MED13: variants seen among roughly 807,000 people sequenced by gnomAD.
MED13 encodes the protein mediator complex subunit 13.
In MED13, 23 loss-of-function variants were observed where a neutral mutation model predicts 225.2. The observed-to-expected ratio is 0.10, with a 90% CI of 0.07 to 0.14. The LOEUF is 0.14. Ranked by LOEUF, MED13 falls within the 10% of genes least tolerant of loss-of-function variation. The pLI is 1.00. For synonymous variants in MED13, 942 were observed against 889.2 expected, an observed-to-expected ratio of 1.06 and a Z score of -1.06; for missense variants, 2,197 against 2,594.5, an observed-to-expected ratio of 0.85 and a Z score of 3.33.
At chr17:61,955,602 G>A (rs374440748) in intron 25 of MED13, 35 bp from the exon 26 acceptor site, 228 of 1,538,616 alleles carry the variant, frequency 1.5e-4, no homozygotes, top group Non-Finnish European at 1.8e-4. Context: ...TTTAATAAAC[G>A]AAGAATAAAT....
chr17:62,061,931 A>G (rs1314786393), intron 2 of MED13, among the ~76,000 whole-genome samples: 1 of 152,226 alleles, frequency 6.6e-6, no homozygotes, highest in Non-Finnish European at 1.5e-5. Flanking sequence ...AACAATTAAC[A>G]CTGGAGAGTA....
At chr17:62,060,034 G>A (rs2081025910) in intron 2 of MED13, among the ~76,000 whole-genome samples, 1 of 152,152 alleles carries the variant, frequency 6.6e-6, no homozygotes, top group African/African-American at 2.4e-5. Flanking sequence ...ACTCACGCCT[G>A]TAATCCTAGC....
intron 3 of MED13, among the ~76,000 whole-genome samples, chr17:62,039,883 G>C (rs2080838976): frequency 6.6e-6 from 1 of 152,046 alleles, no homozygotes; most frequent in South Asian, 2.1e-4. Context: ...ACAGGCGTGA[G>C]CCACTGTGCC....
chr17:61,946,292 A>G lies in MED13; in HGVS notation c.*176T>C, dbSNP rs945218105. 3.3e-5 allele frequency: 22 copies of G among 668,156 alleles called. No individual in the cohort carries two copies. The highest frequency in any genetic ancestry group is 6.2e-5 in the Admixed American group (2 of 32,440). 41.4% of individuals were successfully genotyped at this position (668,156 alleles called of 1,614,324 possible). On this transcript the variant is annotated 3_prime_UTR_variant, in exon 30 of 30. Coordinates refer to ENST00000397786, the MANE Select transcript of MED13 (RefSeq NM_005121.3). ...CATCCTAAAGAGTTCAATAGAGTCA[A>G]TGAAAAATAGCAGGGTTATAGCCCC...
intron 24 of MED13, 77 bp from the exon 25 acceptor site, chr17:61,955,915 C>T: frequency 2.2e-6 from 3 of 1,376,134 alleles, no homozygotes; most frequent in Non-Finnish European, 1.9e-6. Context: ...TCCTGTAGAA[C>T]CAAGTTAAAG....
Position 61,982,240 on chromosome 17 carries a change from G to A in MED13, c.3763C>T (p.Leu1255Phe), listed in dbSNP as rs1160128332. 6.2e-7 allele frequency: 1 copy of A among 1,614,122 alleles called. No individual in the cohort carries two copies. The highest frequency in any genetic ancestry group is 1.1e-5 in the South Asian group (1 of 91,062). The change falls in exon 16 of 30, where the codon CTT becomes TTT. Residue 1255 changes from leucine (L) to phenylalanine (F), a missense_variant. Around this residue, in one of 12 missense-constraint regions of MED13, gnomAD observed 203 missense variants for 209.7 expected, o/e 0.97. Transcript: ENST00000397786. ...NMSGGKVDEA[L>F]VKSSCLHPWS... is the part of the protein sequence containing the mutation. ...GGGTGTAAGCATGAACTTTTCACAA[G>A]TGCTTCATCAACTTTTCCTCCTGAC... is the stretch of plus-strand genomic sequence containing the variant.
At chr17:61,976,596 G>C (rs1043389273) in intron 16 of MED13, among the ~76,000 whole-genome samples, 2 of 152,180 alleles carry the variant, frequency 1.3e-5, no homozygotes, top group African/African-American at 4.8e-5. Context: ...AATTAGAACA[G>C]AGCTTTGTCT....
intron 10 of MED13, among the ~76,000 whole-genome samples, chr17:61,994,858 A>ACAC (rs1260153906): frequency 6.6e-6 from 1 of 152,012 alleles, no homozygotes; most frequent in African/African-American, 2.4e-5. Context: ...TACAAGGCGC[A>ACAC]CACCACCACA....
Position 61,965,431 on chromosome 17 carries a change from T to A in MED13, c.4419A>T (p.Leu1473=), listed in dbSNP as rs769734786. The A allele has an allele frequency of 1.2e-6, 2 of 1,614,060 alleles. No individual in the cohort carries two copies. The highest frequency in any genetic ancestry group is 2.2e-5 in the South Asian group (2 of 91,084). ...YLASLPLDSS[L]LSQPNLVAPT... is the part of the protein sequence containing the mutation. ...GGGCAACTAAATTTGGCTGGGAAAGTAGAGAGCTGTCCAATGGCAGGGAAG... is the reference window on the plus strand; with the variant it reads ...GGGCAACTAAATTTGGCTGGGAAAGAAGAGAGCTGTCCAATGGCAGGGAAG... Residue 1473 remains leucine, a synonymous_variant, in exon 20 of 30, where the codon CTA becomes CTT. Transcript: ENST00000397786.
At chr17:62,015,983 T>C (rs1364453050) in intron 8 of MED13, among the ~76,000 whole-genome samples, 2 of 58,916 alleles carry the variant, frequency 3.4e-5, no homozygotes, top group Non-Finnish European at 6.4e-5. Context: ...TTTTTTTTTT[T>C]AGTAGAGACC....
chr17:62,012,178 T>C (rs2080516284), intron 8 of MED13, among the ~76,000 whole-genome samples: 1 of 151,394 alleles, frequency 6.6e-6, no homozygotes, highest in Admixed American at 6.6e-5. Flanking sequence ...ATCACGCCAC[T>C]GCACTCCAGC....
At position 61,955,854 on chromosome 17, in the gene MED13, G is replaced by GA. The variant is rs2079938851; in HGVS notation, c.5624-17_5624-16insT. ...CAGCTCCAATCTGTGGGTATCAACA[G>GA]TAAAAAAAAAAAAAAAAAAAAAAAA... On this transcript the variant is annotated splice_polypyrimidine_tract_variant and intron_variant, in intron 24 of 29. Transcript: ENST00000397786. 3 of 254,458 alleles carry GA rather than the reference G, an allele frequency of 1.2e-5. No individual in the cohort carries two copies. The highest frequency in any genetic ancestry group is 1.2e-4 in the East Asian group (1 of 8,464). 15.8% of individuals were successfully genotyped at this position (254,458 alleles called of 1,614,324 possible).
intron 11 of MED13, among the ~76,000 whole-genome samples, chr17:61,991,693 A>G (rs2080300513): frequency 1.3e-5 from 2 of 152,110 alleles, no homozygotes. Context: ...TTTTTTTAGT[A>G]GAGACGGGGT....
chr17:61,988,967 C>A (rs138653307), intron 11 of MED13, among the ~76,000 whole-genome samples: 1 of 152,064 alleles, frequency 6.6e-6, no homozygotes, highest in South Asian at 2.1e-4. Context: ...TCCCCTACCC[C>A]CAGTCTCTGG....
Position 61,952,984 on chromosome 17 carries a change from T to A in MED13, c.6098A>T (p.His2033Leu). ...AGTTACCTTGCCCGCATCACCTCCATGGGGGTAATGAGATCCTGGAGAATG... is the reference window on the plus strand; with the variant it reads ...AGTTACCTTGCCCGCATCACCTCCAAGGGGGTAATGAGATCCTGGAGAATG... ...PVHSPGSHYPHGGDAGKGQST... is the reference protein window; with the variant it reads ...PVHSPGSHYPLGGDAGKGQST... Residue 2033 changes from histidine to leucine, a missense_variant, in exon 27 of 30, where the codon CAT becomes CTT. His to Leu is a moderately conservative substitution (Grantham distance 99, BLOSUM62 -3). Transcript: ENST00000397786. 6.2e-7 allele frequency: 1 copy of A among 1,613,298 alleles called. No individual in the cohort carries two copies. The highest frequency in any genetic ancestry group is 8.5e-7 in the Non-Finnish European group (1 of 1,179,756).
At chr17:62,035,737 A>G (rs1412457733) in intron 3 of MED13, 129 bp from the exon 4 acceptor site, 2 of 775,908 alleles carry the variant, frequency 2.6e-6, no homozygotes, top group South Asian at 2.0e-5. Flanking sequence ...TCATCAGAAG[A>G]AAAAAAATCA....
rs73336411 is a variant in MED13, at chr17:62,016,522, C to T, written c.1284-5289G>A. On this transcript the variant is annotated intron_variant, in intron 8 of 29. Coordinates refer to ENST00000397786, the MANE Select transcript of MED13 (RefSeq NM_005121.3). ...TACCTAATTTATAAAGCTGCACTAT[C>T]CAATAATGGTAGCCACAAGTTACAT... is the stretch of plus-strand genomic sequence containing the variant. 5.3e-3 allele frequency among the ~76,000 whole-genome samples: 806 copies of T among 152,298 alleles called. 5 individuals are homozygous for T. Among genetic ancestry groups the T allele is most frequent in the African/African-American group, 0.018 (762 of 41,556 alleles).
intron 2 of MED13, among the ~76,000 whole-genome samples, chr17:62,062,601 CACACACA>C (rs2081048814): frequency 2.0e-4 from 2 of 10,164 alleles, no homozygotes; most frequent in African/African-American, 2.9e-4. Context: ...ACACACACAC[CACACACA>C]CACACACACA....
At chr17:61,987,595 G>A (rs1409030516) in intron 11 of MED13, among the ~76,000 whole-genome samples, 1 of 151,976 alleles carries the variant, frequency 6.6e-6, no homozygotes, top group Non-Finnish European at 1.5e-5. Context: ...AGAAAAAAAA[G>A]TTATAAATAA....
Sources: gnomAD v4.1 joint callset for allele counts (sites outside exome capture counted in the v4.1 genomes callset) on GRCh38, gnomAD v4.1.1 for gene constraint, gnomAD v4.1.1 regional missense constraint, MANE v1.5 for transcripts, NCBI Gene and HGNC (gene_info 2026-07-23, HGNC 2026-07-21) for gene names.